The following PXYLP1 variants were observed in gnomAD, a reference collection of about 807,000 sequenced individuals.
PXYLP1 encodes the protein acid phosphatase-like 2.
Under a neutral mutation model 37.9 loss-of-function variants are expected in PXYLP1, and 17 were observed. The observed-to-expected ratio is 0.45, with a 90% CI of 0.31 to 0.67. The LOEUF is 0.67. Among genes scored for constraint, PXYLP1 ranks in the 30% least tolerant of loss-of-function variants. PXYLP1 has a pLI of 0.07. For synonymous variants in PXYLP1, 221 were observed against 232.2 expected, an observed-to-expected ratio of 0.95 and a Z score of 0.44; for missense variants, 511 against 612.0, an observed-to-expected ratio of 0.84 and a Z score of 1.74.
chr3:141,232,163 C>G (rs2107839861), intron 1 of PXYLP1, among the ~76,000 whole-genome samples: 1 of 152,244 alleles, frequency 6.6e-6, no homozygotes, highest in African/African-American at 2.4e-5. Context: ...TGCCACTCCC[C>G]CCGTGCGCCC....
At chr3:141,279,235 G>T in intron 3 of PXYLP1, 143 bp from the exon 4 acceptor site, 1 of 942,076 alleles carries the variant, frequency 1.1e-6, no homozygotes, top group East Asian at 2.4e-5. Context: ...CTTCACTGTG[G>T]TGGCTCTGCA....
Position 141,292,139 on chromosome 3 carries a change from A to G in PXYLP1, c.506-129A>G, listed in dbSNP as rs1942228637. 2 of 863,654 alleles carry G rather than the reference A, an allele frequency of 2.3e-6. No homozygotes were observed. Among genetic ancestry groups the G allele is most frequent in the African/African-American group, 3.4e-5 (2 of 59,206 alleles). The allele number at this position is 863,654 out of a possible 1,614,324, so 53.5% of individuals were successfully genotyped here. ...AACTCGAGCTTGTAACTTCCACACC[A>G]TGGGGAAACAGGCTGGATGCCATTC... On this transcript the variant is annotated intron_variant, in intron 5 of 5. Coordinates refer to ENST00000286353, the MANE Select transcript of PXYLP1 (RefSeq NM_001037172.3). This position sits in a 1 kb window ranked among gnomAD's most constrained non-coding sequence, Gnocchi z 4.3.
chr3:141,274,500 C>T (rs966173429), intron 2 of PXYLP1: 1 of 1,524,762 alleles, frequency 6.6e-7, no homozygotes, highest in Non-Finnish European at 8.8e-7. Context: ...GGTGTCTCCT[C>T]TGGGAAGCCT....
chr3:141,288,736 A>C (rs1257651412), intron 5 of PXYLP1, among the ~76,000 whole-genome samples: 1 of 152,064 alleles, frequency 6.6e-6, no homozygotes, highest in Non-Finnish European at 1.5e-5. Context: ...TCTACAAACA[A>C]TTTTTTAAAA....
chr3:141,260,093 A>T, intron 1 of PXYLP1, 30 bp from the exon 2 acceptor site: 1 of 1,530,494 alleles, frequency 6.5e-7, no homozygotes, highest in Non-Finnish European at 9.0e-7. Flanking sequence ...ACCTCTAAAC[A>T]CTCATTTATC....
chr3:141,262,453 A>G (rs1055146509), intron 2 of PXYLP1: 4 of 693,580 alleles, frequency 5.8e-6, no homozygotes, highest in Admixed American at 8.9e-5. Context: ...AGAGGCTGAC[A>G]GGTTCTGAGA....
chr3:141,266,811 C>T (rs1410972218), intron 2 of PXYLP1, among the ~76,000 whole-genome samples: 1 of 152,110 alleles, frequency 6.6e-6, no homozygotes, highest in Non-Finnish European at 1.5e-5. Flanking sequence ...CCCTGATCCC[C>T]TATATCCCCT....
chr3:141,267,017 G>A (rs913400690), intron 2 of PXYLP1, among the ~76,000 whole-genome samples: 4 of 152,160 alleles, frequency 2.6e-5, no homozygotes, highest in African/African-American at 9.7e-5. Flanking sequence ...TCTTGTAGAT[G>A]GCCATTAGCA....
chr3:141,269,955 G>A (rs1177591110), intron 2 of PXYLP1, among the ~76,000 whole-genome samples: 1 of 152,234 alleles, frequency 6.6e-6, no homozygotes, highest in Non-Finnish European at 1.5e-5. Context: ...GCCACAGGGG[G>A]AGCCCCCATG....
intron 1 of PXYLP1, among the ~76,000 whole-genome samples, chr3:141,237,465 G>A (rs958793352): frequency 6.6e-6 from 1 of 152,156 alleles, no homozygotes; most frequent in Admixed American, 6.5e-5. Flanking sequence ...ACCATTACTA[G>A]CAATGTACCC....
intron 2 of PXYLP1, chr3:141,273,297 C>G (rs552012762): frequency 1.0e-6 from 1 of 985,404 alleles, no homozygotes; most frequent in East Asian, 1.1e-4. Context: ...TGAGCAGGTC[C>G]GGGCTTACAG....
intron 1 of PXYLP1, among the ~76,000 whole-genome samples, chr3:141,245,474 T>C (rs1940914341): frequency 6.6e-6 from 1 of 152,260 alleles, no homozygotes; most frequent in African/African-American, 2.4e-5. Context: ...TCTGTCCTTT[T>C]TTCCTTTCAC....
At chr3:141,263,129 A>G (rs746286247) in intron 2 of PXYLP1, among the ~76,000 whole-genome samples, 1 of 152,246 alleles carries the variant, frequency 6.6e-6, no homozygotes, top group Non-Finnish European at 1.5e-5. Context: ...GTTACGATTC[A>G]AAAATCAGAT....
intron 2 of PXYLP1, among the ~76,000 whole-genome samples, chr3:141,271,585 T>G (rs1439998193): frequency 6.6e-6 from 1 of 152,200 alleles, no homozygotes; most frequent in African/African-American, 2.4e-5. Flanking sequence ...AGCCTCATCA[T>G]GCTCACATTT....
At chr3:141,269,219 G>A (rs550365228) in intron 2 of PXYLP1, among the ~76,000 whole-genome samples, 3 of 152,360 alleles carry the variant, frequency 2.0e-5, no homozygotes, top group Non-Finnish European at 4.4e-5. Flanking sequence ...AGACCTTTGA[G>A]ACACAGGAAA....
At chr3:141,290,024 T>A (rs542786405) in intron 5 of PXYLP1, among the ~76,000 whole-genome samples, 5 of 152,366 alleles carry the variant, frequency 3.3e-5, no homozygotes, top group Admixed American at 1.3e-4. Context: ...CATTCTCTTT[T>A]AATGGTCATT....
intron 1 of PXYLP1, among the ~76,000 whole-genome samples, chr3:141,237,823 G>A (rs936831203): frequency 6.6e-6 from 1 of 152,220 alleles, no homozygotes; most frequent in African/African-American, 2.4e-5. Context: ...ACAGCCATGA[G>A]AGGCTGTGAA....
At chr3:141,261,186 G>T (rs1166465746) in intron 2 of PXYLP1, among the ~76,000 whole-genome samples, 1 of 151,836 alleles carries the variant, frequency 6.6e-6, no homozygotes, top group Non-Finnish European at 1.5e-5. Flanking sequence ...TTAGTCTGTT[G>T]CCCAGGCTGG....
intron 2 of PXYLP1, chr3:141,273,278 C>CT (rs775517897): frequency 5.1e-5 from 50 of 985,444 alleles, no homozygotes; most frequent in Admixed American, 1.2e-4. Flanking sequence ...AAATACCGAG[C>CT]TTAGTGGGTG....
Sources: allele counts gnomAD v4.1 joint callset (sites outside exome capture counted in the v4.1 genomes callset), GRCh38; gene constraint gnomAD v4.1.1; non-coding constraint Gnocchi (gnomAD v3.1); transcripts MANE v1.5; gene names NCBI Gene and HGNC (gene_info 2026-07-23, HGNC 2026-07-21).